Variants in ZNF723 observed in about 807,000 individuals in gnomAD.
ZNF723 encodes zinc finger protein 723, pseudogene.
ZNF723 carries 5 observed loss-of-function variants against 9.4 expected under a neutral mutation model. That is an observed-to-expected ratio of 0.53 (90% CI 0.28 to 1.12). The LOEUF is 1.12. Among genes scored for constraint, ZNF723 ranks in the 50% most tolerant of loss-of-function variants. The probability of loss-of-function intolerance (pLI) is 0.10; values close to 1 mark genes in which losing one functional copy is unlikely to be tolerated. For missense variants in ZNF723, 450 were observed against 501.5 expected (o/e 0.90, Z 0.98); for synonymous variants, 158 against 168.8 (o/e 0.94, Z 0.49).
chr19:22,822,621 G>A, the ZNF723 span, among the ~76,000 whole-genome samples: 1 of 151,790 alleles, frequency 6.6e-6, no homozygotes, highest in Admixed American at 6.6e-5. Context: ...CCATCAGTTT[G>A]GGAGGCCGAG....
At chr19:22,821,879 C>T in the ZNF723 span, among the ~76,000 whole-genome samples, 231 of 152,234 alleles carry the variant, frequency 1.5e-3, 3 homozygotes, top group Non-Finnish European at 1.2e-3. Flanking sequence ...GGGGCCAAGG[C>T]GGGTGGATCA....
the ZNF723 span, among the ~76,000 whole-genome samples, chr19:22,813,312 C>A: frequency 6.6e-6 from 1 of 152,248 alleles, no homozygotes; most frequent in East Asian, 1.9e-4. Context: ...TGATTTGACT[C>A]TCCTGCCTGG....
At chr19:22,827,413 A>G (rs751077665), upstream of ZNF723, among the ~76,000 whole-genome samples, 22 of 148,280 alleles carry the variant, frequency 1.5e-4, no homozygotes, top group Admixed American at 2.7e-4. Flanking sequence ...GCTAAGAAGC[A>G]TGGTTTCAAC....
chr19:22,848,351 G>C lies in ZNF723; in HGVS notation c.94G>C (p.Val32Leu). The change falls in exon 2 of 4, where the codon GTG becomes CTG. Residue 32 changes from valine (V) to leucine (L), a missense_variant. Coordinates refer to ENST00000600766, the MANE Select transcript of ZNF723 (RefSeq NM_001349726.2). ...DTAQQNLYRD[V>L]MLENYRNLVF... ...TGCACAGCAGAATTTATATAGGGATGTGATGTTAGAGAACTACAGAAACCT... is the reference window on the plus strand; with the variant it reads ...TGCACAGCAGAATTTATATAGGGATCTGATGTTAGAGAACTACAGAAACCT... The C allele has an allele frequency of 6.8e-7, 1 of 1,473,818 alleles. No homozygotes were observed. The highest frequency in any genetic ancestry group is 9.5e-7 in the Non-Finnish European group (1 of 1,057,558). The allele number at this position is 1,473,818 out of a possible 1,614,324, so 91.3% of individuals were successfully genotyped here. A position where few individuals can be genotyped will look rare whatever the true frequency, so the allele number is the denominator to read the frequency against.
chr19:22,820,525 A>G, the ZNF723 span, among the ~76,000 whole-genome samples: 1 of 152,216 alleles, frequency 6.6e-6, no homozygotes, highest in East Asian at 1.9e-4. Context: ...CTTCCTATCC[A>G]CAGGTGGGAT....
At chr19:22,842,185 A>C (rs1395403905) in intron 1 of ZNF723, among the ~76,000 whole-genome samples, 1 of 152,162 alleles carries the variant, frequency 6.6e-6, no homozygotes, top group Non-Finnish European at 1.5e-5. Flanking sequence ...TTGTATTTTT[A>C]GTAAAGAAGG....
chr19:22,856,135 A>G (rs1967475460), intron 3 of ZNF723, among the ~76,000 whole-genome samples: 3 of 151,810 alleles, frequency 2.0e-5, no homozygotes, highest in African/African-American at 7.3e-5. Flanking sequence ...AATTTTTTGT[A>G]TTTTTAGTAG....
rs1345571287 is a variant in ZNF723, at chr19:22,832,396, G to A, written c.3+14G>A. The A allele has an allele frequency of 1.1e-5, 15 of 1,377,294 alleles. No individual in the cohort carries two copies. Among genetic ancestry groups the A allele is most frequent in the Non-Finnish European group, 1.5e-5 (15 of 982,314 alleles). The allele number at this position is 1,377,294 out of a possible 1,614,324, so 85.3% of individuals were successfully genotyped here. Reference sequence around the variant, plus strand: ...AGCCTAGAAATGGTGAGAGTACCGGGTCCGACATCCCGAGAGAGGGGAAGG... The same window carrying A: ...AGCCTAGAAATGGTGAGAGTACCGGATCCGACATCCCGAGAGAGGGGAAGG... On this transcript the variant is annotated intron_variant, in intron 1 of 3. Coordinates refer to ENST00000600766, the MANE Select transcript of ZNF723 (RefSeq NM_001349726.2).
At chr19:22,820,041 T>G in the ZNF723 span, among the ~76,000 whole-genome samples, 1 of 152,172 alleles carries the variant, frequency 6.6e-6, no homozygotes, top group East Asian at 1.9e-4. Context: ...GATTGTAACA[T>G]ATCACTGGAC....
intron 1 of ZNF723, among the ~76,000 whole-genome samples, chr19:22,838,218 C>T (rs1233985933): frequency 6.6e-6 from 1 of 152,132 alleles, no homozygotes; most frequent in Non-Finnish European, 1.5e-5. Flanking sequence ...TTGTTTTCCC[C>T]TTTGTGTCCA....
intron 1 of ZNF723, among the ~76,000 whole-genome samples, chr19:22,837,975 A>G (rs918733813): frequency 6.6e-6 from 1 of 152,088 alleles, no homozygotes; most frequent in Non-Finnish European, 1.5e-5. Context: ...AAGTAGCACA[A>G]GCCAGTCCTG....
At chr19:22,816,890 C>T in the ZNF723 span, among the ~76,000 whole-genome samples, 55 of 152,360 alleles carry the variant, frequency 3.6e-4, no homozygotes, top group African/African-American at 1.3e-3. Flanking sequence ...ATCTTTGGGT[C>T]CCTCACATGG....
chr19:22,857,729 A>T lies in ZNF723; in HGVS notation c.838A>T (p.Thr280Ser). ...CCTTAATAATCATAAGAGAATTCAC[A>T]CTGGAGAGAAACCCTACAAATGTAA... ...SSLNNHKRIH[T>S]GEKPYKCKEC... The change falls in exon 4 of 4, where the codon ACT (threonine) becomes TCT (serine). Residue 280 changes from threonine (T) to serine (S), a missense_variant. Coordinates refer to ENST00000600766, the MANE Select transcript of ZNF723 (RefSeq NM_001349726.2). The T allele has an allele frequency of 7.8e-7, 1 of 1,275,352 alleles. No individual in the cohort carries two copies. The highest frequency in any genetic ancestry group is 1.1e-6 in the Non-Finnish European group (1 of 871,608). 79.0% of individuals were successfully genotyped at this position (1,275,352 alleles called of 1,614,324 possible). A position where few individuals can be genotyped will look rare whatever the true frequency, so the allele number is the denominator to read the frequency against.
intron 1 of ZNF723, among the ~76,000 whole-genome samples, chr19:22,833,926 C>CTTTTT (rs34792208): frequency 1.0e-4 from 9 of 89,314 alleles, no homozygotes; most frequent in Middle Eastern, 0.014. Flanking sequence ...TTTTAGCGTA[C>CTTTTT]TTTTTTTTTT....
chr19:22,857,019 C>T, intron 3 of ZNF723, 99 bp from the exon 4 acceptor site: 1 of 524,302 alleles, frequency 1.9e-6, no homozygotes, highest in South Asian at 4.4e-5. Flanking sequence ...TTTGCTATGC[C>T]ATCTTATGTA....
chr19:22,854,166 C>G (rs2145230165), intron 3 of ZNF723, among the ~76,000 whole-genome samples: 1 of 152,076 alleles, frequency 6.6e-6, no homozygotes, highest in Non-Finnish European at 1.5e-5. Flanking sequence ...CACACACACA[C>G]ACACACACAT....
At chr19:22,814,305 A>G in the ZNF723 span, among the ~76,000 whole-genome samples, 4 of 152,226 alleles carry the variant, frequency 2.6e-5, no homozygotes, top group African/African-American at 9.6e-5. Context: ...TAGTACAAAG[A>G]GTGACGTAAT....
At chr19:22,836,257 C>G (rs769275484) in intron 1 of ZNF723, among the ~76,000 whole-genome samples, 2 of 152,072 alleles carry the variant, frequency 1.3e-5, no homozygotes, top group Non-Finnish European at 2.9e-5. Flanking sequence ...AGCTGGGGAC[C>G]CTCAGGCAGA....
At chr19:22,819,079 G>A in the ZNF723 span, among the ~76,000 whole-genome samples, 1 of 152,050 alleles carries the variant, frequency 6.6e-6, no homozygotes, top group Non-Finnish European at 1.5e-5. Context: ...CTGCCTGTAG[G>A]GGAGATAGTG....
Sources: gnomAD v4.1 joint callset for allele counts (sites outside exome capture counted in the v4.1 genomes callset) on GRCh38, gnomAD v4.1.1 for gene constraint, MANE v1.5 for transcripts, NCBI Gene and HGNC (gene_info 2026-07-23, HGNC 2026-07-21) for gene names.